The following ZBED4 variants were observed in gnomAD, a reference collection of about 807,000 sequenced individuals.
ZBED4 encodes zinc finger BED domain-containing protein 4.
Under a neutral mutation model 15.5 loss-of-function variants are expected in ZBED4, and 4 were observed. The observed-to-expected ratio is 0.26, with a 90% CI of 0.13 to 0.59. The LOEUF is 0.59. Among genes scored for constraint, ZBED4 ranks in the 20% least tolerant of loss-of-function variants. ZBED4 has a pLI of 0.90. For missense variants in ZBED4, 1,323 were observed against 1,461.8 expected (o/e 0.91, Z 1.55); for synonymous variants, 692 against 608.5 (o/e 1.14, Z -2.02).
At chr22:49,879,059 C>T (rs548820789) in intron 1 of ZBED4, among the ~76,000 whole-genome samples, 70 of 149,254 alleles carry the variant, frequency 4.7e-4, no homozygotes, top group African/African-American at 1.7e-3. Context: ...GCAGGAGAAT[C>T]ACTTGAACTG....
rs943755724 is a variant in ZBED4 at position 49,884,064 on chromosome 22, A to G, written c.402A>G (p.Ala134=). ...FFISPRDSTK[A]ICMYCVKEFS... Reference sequence around the variant, plus strand: ...TCTCTCCCCGAGACAGCACTAAAGCAATATGCATGTACTGTGTGAAGGAGT... The same window carrying G: ...TCTCTCCCCGAGACAGCACTAAAGCGATATGCATGTACTGTGTGAAGGAGT... The change falls in exon 2 of 2, where the codon GCA becomes GCG. Residue 134 remains alanine, a synonymous_variant. Coordinates refer to ENST00000216268, the MANE Select transcript of ZBED4 (RefSeq NM_014838.3). The G allele has an allele frequency of 5.0e-6, 8 of 1,605,872 alleles. No homozygotes were observed. The highest frequency in any genetic ancestry group is 6.8e-6 in the Non-Finnish European group (8 of 1,177,044).
chr22:49,863,793 A>G (rs1355328465), intron 1 of ZBED4, among the ~76,000 whole-genome samples: 1 of 152,246 alleles, frequency 6.6e-6, no homozygotes, highest in African/African-American at 2.4e-5. Context: ...AGTTTTCACA[A>G]TGATGAATCA....
Position 49,887,929 on chromosome 22 carries a change from A to AT in ZBED4, c.*752dup, listed in dbSNP as rs1408541661. 1 of 167,276 alleles carries AT rather than the reference A, an allele frequency of 6.0e-6. No individual in the cohort carries two copies. Among genetic ancestry groups the AT allele is most frequent in the Non-Finnish European group, 1.5e-5 (1 of 68,120 alleles). 10.4% of individuals were successfully genotyped at this position (167,276 alleles called of 1,614,324 possible). On this transcript the variant is annotated 3_prime_UTR_variant, in exon 2 of 2. Transcript: ENST00000216268. ...GCTCATCACTTCGCCAGTGCGTTCA[A>AT]TGACACGCTGATGGCAGGTGGTCCC...
intron 1 of ZBED4, among the ~76,000 whole-genome samples, chr22:49,860,906 G>A (rs997763963): frequency 1.3e-5 from 2 of 151,868 alleles, no homozygotes; most frequent in African/African-American, 2.4e-5. Flanking sequence ...AGCCTCCCGA[G>A]TAGCTGGGAC....
In ZBED4 at chr22:49,887,248, A is replaced by T. The variant is rs2060445319; in HGVS notation, c.*70A>T. The T allele has an allele frequency of 6.7e-7, 1 of 1,500,608 alleles. No homozygotes were observed. Among genetic ancestry groups the T allele is most frequent in the Non-Finnish European group, 9.0e-7 (1 of 1,107,882 alleles). 93.0% of individuals were successfully genotyped at this position (1,500,608 alleles called of 1,614,324 possible). ...GTTAGCAGCCTGTACCAGGTCTATG[A>T]CCCGCTCTGCCCACGGCTGTGTACG... On this transcript the variant is annotated 3_prime_UTR_variant, in exon 2 of 2. Transcript: ENST00000216268.
At chr22:49,858,094 C>G (rs5770717) in intron 1 of ZBED4, among the ~76,000 whole-genome samples, 114,258 of 151,970 alleles carry the variant, frequency 0.75, 45,279 homozygotes, top group East Asian at 0.9. Context: ...TAGAGATGGG[C>G]TGTCACCATG....
intron 1 of ZBED4, among the ~76,000 whole-genome samples, chr22:49,870,412 G>C (rs118062771): frequency 6.6e-6 from 1 of 152,142 alleles, no homozygotes; most frequent in African/African-American, 2.4e-5. Context: ...ACTGCTCTCC[G>C]CAGTGGCTGA....
chr22:49,885,537 G>C lies in ZBED4; in HGVS notation c.1875G>C (p.Pro625=), dbSNP rs772660581. Residue 625 remains proline (P), a synonymous_variant, in exon 2 of 2, where the codon CCG becomes CCC. Coordinates refer to ENST00000216268, the MANE Select transcript of ZBED4 (RefSeq NM_014838.3). ...CGGAGACGGCTCGGCCCTCCTCTCCGGACACCCGGGTGCCGCGGGGCACAG... is the reference window on the plus strand; with the variant it reads ...CGGAGACGGCTCGGCCCTCCTCTCCCGACACCCGGGTGCCGCGGGGCACAG... ...EVSETARPSS[P]DTRVPRGTEL... The C allele has an allele frequency of 6.2e-7, 1 of 1,607,308 alleles. No individual in the cohort carries two copies. Among genetic ancestry groups the C allele is most frequent in the Non-Finnish European group, 8.5e-7 (1 of 1,174,322 alleles).
chr22:49,854,416 A>G (rs921192150), intron 1 of ZBED4, among the ~76,000 whole-genome samples: 1 of 152,050 alleles, frequency 6.6e-6, no homozygotes, highest in East Asian at 1.9e-4. Flanking sequence ...TCCCACCTCC[A>G]GGAAGGGCCA....
chr22:49,858,262 A>G (rs1411362511), intron 1 of ZBED4, among the ~76,000 whole-genome samples: 1 of 152,198 alleles, frequency 6.6e-6, no homozygotes, highest in African/African-American at 2.4e-5. Context: ...GTTGTGAGCC[A>G]TGGCTCCTGC....
chr22:49,859,747 G>A (rs905416290), intron 1 of ZBED4, among the ~76,000 whole-genome samples: 3 of 152,172 alleles, frequency 2.0e-5, no homozygotes, highest in Admixed American at 6.5e-5. Flanking sequence ...GTAGTTTTGC[G>A]GGGTGTGGTG....
chr22:49,871,795 C>G (rs568306049), intron 1 of ZBED4, among the ~76,000 whole-genome samples: 2 of 150,340 alleles, frequency 1.3e-5, no homozygotes, highest in East Asian at 3.9e-4. Context: ...TACTCTGTCG[C>G]CCAGGGTGGA....
intron 1 of ZBED4, among the ~76,000 whole-genome samples, chr22:49,876,098 ATAT>A (rs1332610976): frequency 5.3e-5 from 8 of 151,962 alleles, no homozygotes; most frequent in Non-Finnish European, 1.2e-4. Flanking sequence ...ATTTTTTCAG[ATAT>A]TATTGTATTG....
chr22:49,858,560 G>A (rs1390848675), intron 1 of ZBED4, among the ~76,000 whole-genome samples: 1 of 152,154 alleles, frequency 6.6e-6, no homozygotes, highest in East Asian at 1.9e-4. Context: ...GCCCCCAGCT[G>A]GAGCTACCGT....
chr22:49,869,007 C>G (rs532102216), intron 1 of ZBED4, among the ~76,000 whole-genome samples: 17 of 150,938 alleles, frequency 1.1e-4, no homozygotes, highest in Admixed American at 7.3e-4. Flanking sequence ...GCCTGTAATC[C>G]GAGCTGCTTG....
chr22:49,870,126 T>C (rs1969500561), intron 1 of ZBED4, among the ~76,000 whole-genome samples: 2 of 152,228 alleles, frequency 1.3e-5, no homozygotes, highest in Non-Finnish European at 2.9e-5. Context: ...GGTCTCCAGA[T>C]GCATGCATGT....
In ZBED4 at chr22:49,884,806, G is replaced by A. The variant is rs757638894; in HGVS notation, c.1144G>A (p.Glu382Lys). ...CTCGTCTCCAGTAAAGCCGGTCAGA[G>A]AGTCCCCTTCGGCCTCCTCCTCCCC... ...VSSSPVKPVRESPSASSSPDR... is the reference protein window; with the variant it reads ...VSSSPVKPVRKSPSASSSPDR... Residue 382 changes from glutamate to lysine, a missense_variant, in exon 2 of 2, where the codon GAG becomes AAG. Coordinates refer to ENST00000216268, the MANE Select transcript of ZBED4 (RefSeq NM_014838.3). The A allele has an allele frequency of 6.2e-7, 1 of 1,610,188 alleles. No homozygotes were observed. The highest frequency in any genetic ancestry group is 8.5e-7 in the Non-Finnish European group (1 of 1,177,134).
chr22:49,874,179 C>T (rs1225607827), intron 1 of ZBED4, among the ~76,000 whole-genome samples: 4 of 152,230 alleles, frequency 2.6e-5, no homozygotes, highest in Non-Finnish European at 4.4e-5. Context: ...TAGAATATGC[C>T]GAGGGGAAGC....
intron 1 of ZBED4, among the ~76,000 whole-genome samples, chr22:49,862,062 C>A (rs770636499): frequency 6.6e-6 from 1 of 152,166 alleles, no homozygotes; most frequent in African/African-American, 2.4e-5. Flanking sequence ...GTATCTTGAA[C>A]GGGTTTTCAT....
Sources: gnomAD v4.1 joint callset for allele counts (sites outside exome capture counted in the v4.1 genomes callset) on GRCh38, gnomAD v4.1.1 for gene constraint, MANE v1.5 for transcripts, NCBI Gene and HGNC (gene_info 2026-07-23, HGNC 2026-07-21) for gene names.